The following TPTE variants were observed in gnomAD, a reference collection of about 807,000 sequenced individuals.
The protein encoded by TPTE is transmembrane phosphatase with tensin homology.
In TPTE, 59 loss-of-function variants were observed where a neutral mutation model predicts 84.1. The observed-to-expected ratio is 0.70, with a 90% CI of 0.57 to 0.87. The LOEUF is 0.87. TPTE is among the 40% of genes least tolerant of loss of function. The pLI, the probability that TPTE is intolerant of heterozygous loss-of-function variation, is 0.00. For missense variants in TPTE, 382 were observed against 659.6 expected, an observed-to-expected ratio of 0.58 and a Z score of 4.61; for synonymous variants, 130 against 223.5, an observed-to-expected ratio of 0.58 and a Z score of 3.73.
intron 14 of TPTE, among the ~76,000 whole-genome samples, chr21:10,575,123 G>A (rs1323197627): frequency 4.3e-4 from 65 of 152,282 alleles, no homozygotes; most frequent in African/African-American, 1.4e-3. Context: ...GGGAGGTGGC[G>A]AGAGGCAGCC....
At chr21:10,585,773 A>G (rs1489087683) in intron 17 of TPTE, among the ~76,000 whole-genome samples, 1 of 152,304 alleles carries the variant, frequency 6.6e-6, no homozygotes, top group African/African-American at 2.4e-5. Flanking sequence ...TTCCCTATAT[A>G]GAATGTTTTT....
chr21:10,583,213 T>G (rs571556008), intron 17 of TPTE, among the ~76,000 whole-genome samples: 76 of 152,048 alleles, frequency 5.0e-4, no homozygotes, highest in African/African-American at 1.7e-3. Context: ...TATTGTAGAC[T>G]TCAAGCATTC....
intron 6 of TPTE, 82 bp downstream of exon 6, chr21:10,542,530 CCCATCCATCCAT>C (rs3049906): frequency 2.4e-5 from 31 of 1,317,844 alleles, no homozygotes; most frequent in African/African-American, 8.0e-5. Context: ...GCAAGTATAC[CCCATCCATCCAT>C]CCATCCATCC....
chr21:10,561,225 A>G (rs750578472), intron 10 of TPTE, 34 bp downstream of exon 10: 4 of 1,607,642 alleles, frequency 2.5e-6, no homozygotes, highest in Non-Finnish European at 2.5e-6. Flanking sequence ...GCATTAAGCT[A>G]CTTTGTAGTT....
chr21:10,530,257 T>C (rs1388862230), intron 3 of TPTE, among the ~76,000 whole-genome samples: 1 of 152,306 alleles, frequency 6.6e-6, no homozygotes, highest in African/African-American at 2.4e-5. Context: ...CTGATTGCCA[T>C]TGGCTCATTG....
At chr21:10,559,988 A>T (rs1197726327) in intron 9 of TPTE, among the ~76,000 whole-genome samples, 1 of 152,296 alleles carries the variant, frequency 6.6e-6, no homozygotes, top group African/African-American at 2.4e-5. Context: ...TAAAATAACA[A>T]AAAAGCATTT....
At chr21:10,572,450 C>CAAAAA (rs58796102) in intron 14 of TPTE, among the ~76,000 whole-genome samples, 6 of 131,974 alleles carry the variant, frequency 4.5e-5, no homozygotes, top group Non-Finnish European at 8.3e-5. Flanking sequence ...AGACTGTATC[C>CAAAAA]AAAAAAAAAA....
In TPTE at chr21:10,542,547, C is replaced by CCATCCATCCATCCATCCATT. The variant is rs2074388932; in HGVS notation, c.119+114_119+115insCCATTCATCCATCCATCCAT. 3.6e-6 allele frequency: 5 copies of CCATCCATCCATCCATCCATT among 1,374,714 alleles called. No homozygotes were observed. In the African/African-American group the frequency reaches 7.5e-5, roughly 21 times the overall value. 85.2% of individuals were successfully genotyped at this position (1,374,714 alleles called of 1,614,324 possible). On this transcript the variant is annotated intron_variant, in intron 6 of 23. Coordinates refer to ENST00000618007, the MANE Select transcript of TPTE (RefSeq NM_199261.4). ...AAGTATACCCCATCCATCCATCCATCCATCCATCCATCCATTCATCCATCC... is the reference window on the plus strand; with the variant it reads ...AAGTATACCCCATCCATCCATCCATCCATCCATCCATCCATCCATTCATCCATCCATCCATTCATCCATCC...
chr21:10,545,523 A>G (rs1165338844), intron 7 of TPTE, among the ~76,000 whole-genome samples: 1 of 152,308 alleles, frequency 6.6e-6, no homozygotes, highest in African/African-American at 2.4e-5. Context: ...ATAAAATGAC[A>G]TCAGTAGTCT....
intron 17 of TPTE, among the ~76,000 whole-genome samples, chr21:10,581,569 T>G (rs2075271670): frequency 6.6e-6 from 1 of 152,308 alleles, no homozygotes; most frequent in Non-Finnish European, 1.5e-5. Context: ...GGTTGCTGCT[T>G]GCAGGTTACC....
rs563701720 is a variant in TPTE at position 10,535,454 on chromosome 21, G to A, written c.-43-3227G>A. ...AAATACAGAATATCTTTGACACTAT[G>A]TCTAAATCTTCTCACTGTAGGATCT... On this transcript the variant is annotated intron_variant, in intron 3 of 23. Transcript: ENST00000618007. 3.0e-4 allele frequency among the ~76,000 whole-genome samples: 46 copies of A among 152,392 alleles called. No individual in the cohort carries two copies. The East Asian group carries it at 8.7e-3, about 29-fold the overall frequency.
intron 1 of TPTE, among the ~76,000 whole-genome samples, chr21:10,523,966 C>G (rs1263165931): frequency 6.6e-6 from 1 of 152,304 alleles, no homozygotes; most frequent in Non-Finnish European, 1.5e-5. Context: ...CCTGTTGTTT[C>G]CTGACTTTTT....
intron 10 of TPTE, among the ~76,000 whole-genome samples, chr21:10,567,148 T>TA (rs2074938077): frequency 6.9e-6 from 1 of 144,116 alleles, no homozygotes; most frequent in Non-Finnish European, 1.5e-5. Flanking sequence ...ACCTAGAGAG[T>TA]AGATGGATGG....
chr21:10,559,352 T>C (rs2074747218), intron 8 of TPTE, 142 bp from the exon 9 acceptor site: 1 of 1,206,436 alleles, frequency 8.3e-7, no homozygotes, highest in Non-Finnish European at 1.1e-6. Context: ...AAATTTTAGC[T>C]ATTAGTAAAA....
intron 8 of TPTE, among the ~76,000 whole-genome samples, chr21:10,556,916 T>G (rs1261058924): frequency 6.6e-6 from 1 of 152,308 alleles, no homozygotes; most frequent in Non-Finnish European, 1.5e-5. Context: ...TAAATTTGTT[T>G]GAGTTCTTTG....
rs773587467 is a variant in TPTE at position 10,542,435 on chromosome 21, C to T, written c.106C>T (p.Pro36Ser). The change falls in exon 6 of 24, where the codon CCT becomes TCT. Residue 36 changes from proline (P) to serine (S), a missense_variant. Pro to Ser is a moderately conservative substitution (Grantham distance 74). Coordinates refer to ENST00000618007, the MANE Select transcript of TPTE (RefSeq NM_199261.4). ...ATTTAAAGGAGCAACCGAGGAGGCA[C>T]CTGCGAAAGAAAGGTGAGCAATAAA... ...SEFKGATEEA[P>S]AKESPHTSEF... is the part of the protein sequence containing the mutation. 1.2e-5 allele frequency: 19 copies of T among 1,611,724 alleles called. No homozygotes were observed. The highest frequency in any genetic ancestry group is 2.7e-5 in the African/African-American group (2 of 74,910).
chr21:10,542,529 CCCCA>C, intron 6 of TPTE, 81 bp downstream of exon 6: 1 of 1,437,906 alleles, frequency 7.0e-7, no homozygotes, highest in Non-Finnish European at 9.6e-7. Context: ...AGCAAGTATA[CCCCA>C]TCCATCCATC....
intron 17 of TPTE, among the ~76,000 whole-genome samples, chr21:10,589,242 C>T (rs1240167076): frequency 1.3e-5 from 2 of 152,246 alleles, no homozygotes; most frequent in African/African-American, 4.8e-5. Flanking sequence ...GTAGAGCATG[C>T]TGGGTAGGGT....
At position 10,544,163 on chromosome 21, in the gene TPTE, T is replaced by C. The variant is rs200394339; in HGVS notation, c.173+781T>C. On this transcript the variant is annotated intron_variant, in intron 7 of 23. Transcript: ENST00000618007. ...CTGATTCAAGTTAATTATAGTGTAA[T>C]GCTCAAGAAACCTTGCAAAATGAGA... is the stretch of plus-strand genomic sequence containing the variant. 0.012 allele frequency among the ~76,000 whole-genome samples: 1,874 copies of C among 150,428 alleles called. No homozygotes were observed. In the East Asian group the frequency reaches 0.13, roughly 10 times the overall value.
Sources: allele counts gnomAD v4.1 joint callset (sites outside exome capture counted in the v4.1 genomes callset), GRCh38; gene constraint gnomAD v4.1.1; transcripts MANE v1.5; gene names NCBI Gene and HGNC (gene_info 2026-07-23, HGNC 2026-07-21).